KLRK1: variants seen among roughly 807,000 people sequenced by gnomAD.
KLRK1 encodes the protein NKG2-D type II integral membrane protein.
In KLRK1, 40 loss-of-function variants were observed where a neutral mutation model predicts 31.3. That is an observed-to-expected ratio of 1.28 (90% confidence interval 0.99 to 1.67). The LOEUF is 1.67. Ranked by LOEUF, KLRK1 falls within the 40% of genes most tolerant of loss-of-function variation. The pLI, the probability that KLRK1 is intolerant of heterozygous loss-of-function variation, is 0.00. For synonymous variants in KLRK1, 77 were observed against 77.3 expected (o/e 1.00, Z 0.02); for missense variants, 251 against 260.0 (o/e 0.97, Z 0.24).
At chr12:10,381,723 T>A (rs1263370879) in intron 3 of KLRK1, 1 of 152,140 alleles carries the variant, frequency 6.6e-6, no homozygotes, top group African/African-American at 2.4e-5. Context: ...TTCAAAAGAA[T>A]TCAAGAAATT....
At chr12:10,379,229 AAAAAAG>A (rs1328962072) in intron 5 of KLRK1, 7 of 160,966 alleles carry the variant, frequency 4.3e-5, no homozygotes, top group Non-Finnish European at 6.6e-5. Context: ...AAAAAAAAAA[AAAAAAG>A]AGAGAGAGAG....
chr12:10,375,258 A>T (rs1426183313), intron 7 of KLRK1, among the ~76,000 whole-genome samples: 2 of 152,210 alleles, frequency 1.3e-5, no homozygotes, highest in East Asian at 3.8e-4. Context: ...TAAATTTAAA[A>T]ATCAGCGAAA....
chr12:10,382,653 A>G (rs1236065660), intron 3 of KLRK1, among the ~76,000 whole-genome samples: 1 of 151,596 alleles, frequency 6.6e-6, no homozygotes, highest in African/African-American at 2.4e-5. Flanking sequence ...TTGAATGTAT[A>G]AAACTCACTG....
intron 7 of KLRK1, among the ~76,000 whole-genome samples, chr12:10,375,428 C>T (rs1436080287): frequency 6.6e-6 from 1 of 152,026 alleles, no homozygotes; most frequent in African/African-American, 2.4e-5. Context: ...TAAAATAACA[C>T]CTGTATACAG....
intron 3 of KLRK1, among the ~76,000 whole-genome samples, chr12:10,385,367 G>GATACACAC (rs1555120370): frequency 1.4e-5 from 2 of 145,708 alleles, no homozygotes; most frequent in Non-Finnish European, 3.0e-5. Flanking sequence ...AGCACACACA[G>GATACACAC]ACACACACAC....
At chr12:10,380,870 C>T (rs1863061995) in intron 3 of KLRK1, among the ~76,000 whole-genome samples, 1 of 152,132 alleles carries the variant, frequency 6.6e-6, no homozygotes, top group Non-Finnish European at 1.5e-5. Context: ...GAGAGTGTAG[C>T]CACCACCAAA....
chr12:10,376,273 A>T (rs1862963453), intron 7 of KLRK1, among the ~76,000 whole-genome samples: 1 of 144,916 alleles, frequency 6.9e-6, no homozygotes, highest in South Asian at 2.3e-4. Context: ...AAACATTTTT[A>T]AAAACACACT....
Position 10,373,128 on chromosome 12 carries a change from G to T in KLRK1, c.637C>A (p.Gln213Lys), listed in dbSNP as rs1862893957. 1.2e-6 allele frequency: 2 copies of T among 1,611,506 alleles called. No homozygotes were observed. The highest frequency in any genetic ancestry group is 1.7e-6 in the Non-Finnish European group (2 of 1,178,970). ...GTTGATCATCTTTACACAGTCCTTT[G>T]CATGCAGATGTACGTATTTGGAGTT... ...CSTPNTYICM[Q>K]RTV The change falls in exon 8 of 8, where the codon CAA becomes AAA. Residue 213 changes from glutamine (Q) to lysine (K), a missense_variant. Transcript: ENST00000240618.
At chr12:10,379,678 C>T (rs1863033424) in intron 4 of KLRK1, 22 bp downstream of exon 4, 1 of 1,577,030 alleles carries the variant, frequency 6.3e-7, no homozygotes. Context: ...ATGTTGCAAT[C>T]TACTTCTCTG....
chr12:10,373,692 ATAAG>A (rs1489223939), intron 7 of KLRK1, among the ~76,000 whole-genome samples: 3 of 33,310 alleles, frequency 9.0e-5, no homozygotes, highest in Non-Finnish European at 4.6e-4. Flanking sequence ...ACAAGTGTGT[ATAAG>A]TGTGTGTGTG....
intron 2 of KLRK1, 99 bp from the exon 3 acceptor site, chr12:10,387,109 C>T: frequency 1.3e-6 from 1 of 759,776 alleles, no homozygotes. Context: ...CTATGTACTT[C>T]CCCTGACTAT....
At chr12:10,384,842 A>G (rs1863138069) in intron 3 of KLRK1, among the ~76,000 whole-genome samples, 1 of 152,130 alleles carries the variant, frequency 6.6e-6, no homozygotes, top group South Asian at 2.1e-4. Flanking sequence ...CTCGCAAACT[A>G]TTCCTCTAAC....
chr12:10,373,146 T>G lies in KLRK1; in HGVS notation c.619A>C (p.Asn207His), dbSNP rs988817558. 11 of 1,612,240 alleles carry G rather than the reference T, an allele frequency of 6.8e-6. No individual in the cohort carries two copies. In the Admixed American group the frequency reaches 1.5e-4, roughly 22 times the overall value. The change falls in exon 8 of 8, where the codon AAT (asparagine) becomes CAT (histidine). Residue 207 changes from asparagine (N) to histidine (H), a missense_variant. Transcript: ENST00000240618. ...KGYIENCSTP[N>H]TYICMQRTV ...GTCCTTTGCATGCAGATGTACGTAT[T>G]TGGAGTTGAACAGTTTTCTATATAG...
intron 4 of KLRK1, 107 bp from the exon 5 acceptor site, chr12:10,379,589 T>C (rs953316564): frequency 1.1e-5 from 14 of 1,318,812 alleles, no homozygotes; most frequent in Non-Finnish European, 1.4e-5. Context: ...GTGACAAAGA[T>C]ACATTTAATA....
At chr12:10,385,522 C>T (rs1306558314) in intron 3 of KLRK1, among the ~76,000 whole-genome samples, 1 of 151,800 alleles carries the variant, frequency 6.6e-6, no homozygotes, top group East Asian at 1.9e-4. Flanking sequence ...AGATAAATAC[C>T]ACATGTTCTC....
chr12:10,384,995 A>C (rs914851437), intron 3 of KLRK1, among the ~76,000 whole-genome samples: 1 of 152,060 alleles, frequency 6.6e-6, no homozygotes, highest in Non-Finnish European at 1.5e-5. Flanking sequence ...TTGAAATTCA[A>C]CATCATTCAT....
Position 10,390,009 on chromosome 12 carries a change from T to A in KLRK1, c.-132A>T, listed in dbSNP as rs1423367234. The A allele has an allele frequency of 2.0e-5, 3 of 152,130 alleles. No homozygotes were observed. The highest frequency in any genetic ancestry group is 4.4e-5 in the Non-Finnish European group (3 of 67,974). The allele number at this position is 152,130 out of a possible 1,614,324, so 9.4% of individuals were successfully genotyped here. A position where few individuals can be genotyped will look rare whatever the true frequency, so the allele number is the denominator to read the frequency against. ...CTTCTATAAAACTAGAAAATTTAGATATGTCCTCAGTTCCTGATCTAGAAT... is the reference window on the plus strand; with the variant it reads ...CTTCTATAAAACTAGAAAATTTAGAAATGTCCTCAGTTCCTGATCTAGAAT... On this transcript the variant is annotated 5_prime_UTR_variant, in exon 1 of 8. Transcript: ENST00000240618.
intron 7 of KLRK1, among the ~76,000 whole-genome samples, chr12:10,375,716 C>T (rs1052986288): frequency 1.3e-5 from 2 of 152,152 alleles, no homozygotes; most frequent in East Asian, 3.9e-4. Flanking sequence ...ATCGTTGTAG[C>T]TGAATGAAGA....
At position 10,379,766 on chromosome 12, in the gene KLRK1, T is replaced by C; in HGVS notation, c.175A>G (p.Ile59Val). 2 of 1,611,682 alleles carry C rather than the reference T, an allele frequency of 1.2e-6. No individual in the cohort carries two copies. The highest frequency in any genetic ancestry group is 1.1e-5 in the South Asian group (1 of 90,552). ...AAACGGATTCCCATGGCTACAGCGA[T>C]GAAGCAGCAGAAAAAAAATGGAGAT... ...NASPFFFCCF[I>V]AVAMGIRFII... Residue 59 changes from isoleucine to valine, a missense_variant, in exon 4 of 8, where the codon ATC becomes GTC. Transcript: ENST00000240618.
Sources: gnomAD v4.1 joint callset for allele counts (sites outside exome capture counted in the v4.1 genomes callset) on GRCh38, gnomAD v4.1.1 for gene constraint, MANE v1.5 for transcripts, NCBI Gene and HGNC (gene_info 2026-07-23, HGNC 2026-07-21) for gene names.